Variants in ADGRV1 observed in about 807,000 individuals in gnomAD.
The protein encoded by ADGRV1 is adhesion G protein-coupled receptor V1.
Under a neutral mutation model 596.2 loss-of-function variants are expected in ADGRV1, and 359 were observed. The ratio of observed to expected loss-of-function variants is 0.60; its 90% CI spans 0.55 to 0.66. The LOEUF (loss-of-function observed/expected upper bound fraction) is 0.66. Ranked by LOEUF, ADGRV1 falls within the 30% of genes least tolerant of loss-of-function variation. The probability of loss-of-function intolerance (pLI) is 0.00; values close to 1 mark genes in which losing one functional copy is unlikely to be tolerated. For missense variants in ADGRV1, 7,274 were observed against 7,575.6 expected, an observed-to-expected ratio of 0.96 and a Z score of 1.48; for synonymous variants, 2,681 against 2,679.2, an observed-to-expected ratio of 1.00 and a Z score of -0.02.
intron 35 of ADGRV1, 115 bp downstream of exon 35, chr5:90,703,910 C>A (rs1430386689): frequency 5.5e-6 from 4 of 728,358 alleles, no homozygotes; most frequent in African/African-American, 5.5e-5. Flanking sequence ...CTTCTCCAGA[C>A]CTACTTCGTA....
At chr5:91,069,619 G>A (rs142165634) in intron 85 of ADGRV1, among the ~76,000 whole-genome samples, 5 of 152,256 alleles carry the variant, frequency 3.3e-5, no homozygotes, top group Non-Finnish European at 7.4e-5. Flanking sequence ...ACAGATATTG[G>A]CAAGGTGGTG....
At chr5:90,699,334 A>G (rs1433679259) in intron 34 of ADGRV1, among the ~76,000 whole-genome samples, 1 of 152,190 alleles carries the variant, frequency 6.6e-6, no homozygotes, top group Non-Finnish European at 1.5e-5. Flanking sequence ...TTTGAGAAGC[A>G]CTGCTTATTG....
At chr5:90,682,093 C>T (rs1745023511) in intron 27 of ADGRV1, among the ~76,000 whole-genome samples, 2 of 151,978 alleles carry the variant, frequency 1.3e-5, no homozygotes, top group South Asian at 4.1e-4. Flanking sequence ...CTCAAACTCC[C>T]AACCTCAGGT....
At position 90,719,027 on chromosome 5, in the gene ADGRV1, A is replaced by AC. The variant is rs755868717; in HGVS notation, c.9448-1019dup. 5.6e-4 allele frequency among the ~76,000 whole-genome samples: 86 copies of AC among 152,294 alleles called. 1 individual carries two copies. The East Asian group carries it at 0.012, about 21-fold the overall frequency. Reference sequence around the variant, plus strand: ...GATATATATATACATACATGTAACTACCACTCAGATTAAAATATTTAACAT... The same window carrying AC: ...GATATATATATACATACATGTAACTACCCACTCAGATTAAAATATTTAACAT... On this transcript the variant is annotated intron_variant, in intron 43 of 89. Coordinates refer to ENST00000405460, the MANE Select transcript of ADGRV1 (RefSeq NM_032119.4).
At chr5:90,670,372 G>A (rs1329404110) in intron 21 of ADGRV1, among the ~76,000 whole-genome samples, 3 of 152,190 alleles carry the variant, frequency 2.0e-5, no homozygotes, top group Non-Finnish European at 4.4e-5. Context: ...TTTTGTGGAT[G>A]GAGAAATGGC....
chr5:90,822,300 C>T (rs1763632458), intron 75 of ADGRV1: 1 of 153,404 alleles, frequency 6.5e-6, no homozygotes, highest in Admixed American at 6.5e-5. Flanking sequence ...CACCCACTGA[C>T]CTGCGCCCAC....
chr5:91,018,260 T>G (rs1247801313), intron 85 of ADGRV1, among the ~76,000 whole-genome samples: 1 of 151,954 alleles, frequency 6.6e-6, no homozygotes, highest in Non-Finnish European at 1.5e-5. Context: ...TCCCTGCCCT[T>G]AAATATGTGG....
At chr5:90,837,505 C>CGATTACA (rs1765076501) in intron 77 of ADGRV1, among the ~76,000 whole-genome samples, 1 of 151,438 alleles carries the variant, frequency 6.6e-6, no homozygotes, top group African/African-American at 2.4e-5. Flanking sequence ...CGAGTAACTG[C>CGATTACA]GATTACAGGC....
At chr5:90,783,759 G>T in intron 66 of ADGRV1, 79 bp from the exon 67 acceptor site, 2 of 1,100,184 alleles carry the variant, frequency 1.8e-6, no homozygotes, top group Non-Finnish European at 2.6e-6. Context: ...TGACCAATTT[G>T]GAAAATGACT....
chr5:90,729,090 T>A (rs1344334578), intron 49 of ADGRV1, among the ~76,000 whole-genome samples, 157 bp downstream of exon 49: 1 of 152,180 alleles, frequency 6.6e-6, no homozygotes, highest in Non-Finnish European at 1.5e-5. Flanking sequence ...GTAAATGGAT[T>A]TTTGAGAAAT....
At chr5:90,952,993 G>T (rs1479267652) in intron 83 of ADGRV1, among the ~76,000 whole-genome samples, 1 of 152,076 alleles carries the variant, frequency 6.6e-6, no homozygotes. Context: ...TCATTGAAAA[G>T]ACCACAATTT....
rs1259911155 is a variant in ADGRV1, at chr5:90,653,463, C to T, written c.3889C>T (p.Pro1297Ser). Residue 1297 changes from proline to serine, a missense_variant, in exon 20 of 90, where the codon CCA becomes TCA. Around this residue, in one of 5 missense-constraint regions of ADGRV1, gnomAD observed 1,715 missense variants for 1,708.8 expected, o/e 1.00. Coordinates refer to ENST00000405460, the MANE Select transcript of ADGRV1 (RefSeq NM_032119.4). ...GTCCAGTGAGTTCCCTGCTGGTTTG[C>T]CACCAATGATAGATTTTTTACTGGT... ...ILSSEFPAGL[P>S]PMIDFLLVGI... The T allele has an allele frequency of 1.9e-6, 3 of 1,613,770 alleles. No homozygotes were observed. Among genetic ancestry groups the T allele is most frequent in the African/African-American group, 2.7e-5 (2 of 74,904 alleles).
intron 86 of ADGRV1, among the ~76,000 whole-genome samples, chr5:91,098,439 C>T (rs1791070691): frequency 6.6e-6 from 1 of 152,184 alleles, no homozygotes; most frequent in South Asian, 2.1e-4. Context: ...CAAGATCCTG[C>T]ACCTAATTAC....
intron 84 of ADGRV1, among the ~76,000 whole-genome samples, chr5:90,970,210 T>A (rs1778837641): frequency 1.3e-5 from 2 of 152,024 alleles, no homozygotes; most frequent in Admixed American, 1.3e-4. Context: ...TTTGAGTAGG[T>A]AAACAAAGCA....
At chr5:90,802,590 T>G in intron 70 of ADGRV1, 149 bp from the exon 71 acceptor site, 1 of 634,038 alleles carries the variant, frequency 1.6e-6, no homozygotes, top group Non-Finnish European at 2.7e-6. Context: ...TACATACTGG[T>G]GGTTTGTTTT....
In ADGRV1 at chr5:90,759,309, A is replaced by G. The variant is rs1441615216; in HGVS notation, c.11941-100A>G. 3.0e-5 allele frequency: 27 copies of G among 890,040 alleles called. No homozygotes were observed. The East Asian group carries it at 5.6e-4, about 19-fold the overall frequency. 55.1% of individuals were successfully genotyped at this position (890,040 alleles called of 1,614,324 possible). A position where few individuals can be genotyped will look rare whatever the true frequency, so the allele number is the denominator to read the frequency against. ...GGTTTCAACTAAAAAATTAAAATATATGTCAGCAAAAACTGTGATTACATT... is the reference window on the plus strand; with the variant it reads ...GGTTTCAACTAAAAAATTAAAATATGTGTCAGCAAAAACTGTGATTACATT... On this transcript the variant is annotated intron_variant, in intron 57 of 89. Coordinates refer to ENST00000405460, the MANE Select transcript of ADGRV1 (RefSeq NM_032119.4).
At chr5:91,004,832 A>G (rs1238026033) in intron 85 of ADGRV1, among the ~76,000 whole-genome samples, 2 of 152,050 alleles carry the variant, frequency 1.3e-5, no homozygotes, top group Admixed American at 6.6e-5. Context: ...AGCGAGGGGG[A>G]GGGCTCAAGT....
rs1464761671 is a variant in ADGRV1, at chr5:90,692,701, G to T, written c.7048G>T (p.Gly2350Cys). Reference sequence around the variant, plus strand: ...TATTCCTGCCAATGATGATCCTTATGGTACAGTAGCCTTTGCTCAGATGGT... The same window carrying T: ...TATTCCTGCCAATGATGATCCTTATTGTACAGTAGCCTTTGCTCAGATGGT... Reference protein sequence around the residue: ...IIIPANDDPYGTVAFAQMVYR... With the variant: ...IIIPANDDPYCTVAFAQMVYR... The change falls in exon 32 of 90, where the codon GGT (glycine) becomes TGT (cysteine). Residue 2350 changes from glycine to cysteine, a missense_variant. Gly to Cys is a radical substitution (Grantham distance 159). Around this residue, in one of 5 missense-constraint regions of ADGRV1, gnomAD observed 3,643 missense variants for 3,809.2 expected, o/e 0.96. Coordinates refer to ENST00000405460, the MANE Select transcript of ADGRV1 (RefSeq NM_032119.4). 1.2e-6 allele frequency: 2 copies of T among 1,610,454 alleles called. No homozygotes were observed. Among genetic ancestry groups the T allele is most frequent in the Non-Finnish European group, 1.7e-6 (2 of 1,178,344 alleles).
At position 90,729,765 on chromosome 5, in the gene ADGRV1, G is replaced by C; in HGVS notation, c.10549+1G>C. On this transcript the variant is annotated splice_donor_variant, in intron 50 of 89. Transcript: ENST00000405460. LOFTEE classifies it high-confidence loss of function. ...TCCTTCACACCAGCCTCAGGAATAG[G>C]TAAGGACTTTTCAACTGCTCACCAA... The C allele has an allele frequency of 6.2e-7, 1 of 1,613,270 alleles. No homozygotes were observed. Among genetic ancestry groups the C allele is most frequent in the South Asian group, 1.1e-5 (1 of 90,896 alleles).
Sources: gnomAD v4.1 joint callset for allele counts (sites outside exome capture counted in the v4.1 genomes callset) on GRCh38, gnomAD v4.1.1 for gene constraint, gnomAD v4.1.1 regional missense constraint, MANE v1.5 for transcripts, NCBI Gene and HGNC (gene_info 2026-07-23, HGNC 2026-07-21) for gene names.